HABP4: variants seen among roughly 807,000 people sequenced by gnomAD.
HABP4 encodes the protein hyaluronan binding protein 4.
A neutral mutation model predicts 44.1 loss-of-function variants in HABP4; 32 were observed. The ratio of observed to expected loss-of-function variants is 0.73; its 90% CI spans 0.55 to 0.97. The LOEUF is 0.97. HABP4 is among the 50% of genes least tolerant of loss of function. HABP4 has a pLI of 0.00. For missense variants in HABP4, 503 were observed against 561.9 expected (o/e 0.90, Z 1.06); for synonymous variants, 216 against 218.0 (o/e 0.99, Z 0.08).
At chr9:96,461,092 G>C (rs1370134635) in intron 2 of HABP4, among the ~76,000 whole-genome samples, 1 of 152,170 alleles carries the variant, frequency 6.6e-6, no homozygotes, top group Non-Finnish European at 1.5e-5. Context: ...TGGGAAGCCT[G>C]AAGCCCATGA....
In HABP4 at chr9:96,488,430, C is replaced by T. The variant is rs1833014770; in HGVS notation, c.1185+156C>T. Among the ~76,000 whole-genome samples the T allele has an allele frequency of 1.3e-5, 2 of 152,176 alleles. No individual in the cohort carries two copies. On this transcript the variant is annotated intron_variant, in intron 7 of 7. Coordinates refer to ENST00000375249, the MANE Select transcript of HABP4 (RefSeq NM_014282.4). This position sits in a 1 kb window ranked among gnomAD's most constrained non-coding sequence, Gnocchi z 4.6. ...TTGGGGCATTTGGACGGTGTTGTAGCATCATGGACATCTTGCCTAGAGACC... is the reference window on the plus strand; with the variant it reads ...TTGGGGCATTTGGACGGTGTTGTAGTATCATGGACATCTTGCCTAGAGACC...
intron 5 of HABP4, among the ~76,000 whole-genome samples, chr9:96,475,392 A>AC (rs1320887525): frequency 0.014 from 1,925 of 138,014 alleles, 48 homozygotes; most frequent in African/African-American, 0.052. Context: ...AACAACAACA[A>AC]AAAAAAAAAA....
intron 5 of HABP4, among the ~76,000 whole-genome samples, chr9:96,474,846 T>A (rs1269734830): frequency 6.6e-6 from 1 of 152,188 alleles, no homozygotes; most frequent in Non-Finnish European, 1.5e-5. Flanking sequence ...TACCTCTCAG[T>A]TCTAGAATGT....
At position 96,490,164 on chromosome 9, in the gene HABP4, T is replaced by C. The variant is rs1172829155; in HGVS notation, c.*126T>C. On this transcript the variant is annotated 3_prime_UTR_variant, in exon 8 of 8. Transcript: ENST00000375249. ...GCTTTTCCCGTGTCATGTAAATTTG[T>C]TGCACTTTTTTGGGCTGAGCTGTTA... is the stretch of plus-strand genomic sequence containing the variant. 1 of 692,894 alleles carries C rather than the reference T, an allele frequency of 1.4e-6. No homozygotes were observed. Among genetic ancestry groups the C allele is most frequent in the Non-Finnish European group, 2.6e-6 (1 of 382,192 alleles). The allele number at this position is 692,894 out of a possible 1,614,324, so 42.9% of individuals were successfully genotyped here.
chr9:96,459,043 T>C (rs986575736), intron 2 of HABP4, among the ~76,000 whole-genome samples: 18 of 152,206 alleles, frequency 1.2e-4, no homozygotes, highest in African/African-American at 4.3e-4. Context: ...TTTTTCCTCA[T>C]AGATGCCTTT....
At chr9:96,476,263 C>A (rs1479383833) in intron 5 of HABP4, among the ~76,000 whole-genome samples, 1 of 152,132 alleles carries the variant, frequency 6.6e-6, no homozygotes, top group Non-Finnish European at 1.5e-5. Context: ...TTAATTATAT[C>A]TAACTATTGA....
chr9:96,473,262 C>T (rs1387740722), intron 5 of HABP4, among the ~76,000 whole-genome samples: 4 of 152,156 alleles, frequency 2.6e-5, no homozygotes, highest in African/African-American at 7.2e-5. Flanking sequence ...CCAGCCTGAC[C>T]GAGACTGAGC....
chr9:96,489,921 C>G, intron 7 of HABP4, 61 bp from the exon 8 acceptor site: 1 of 1,026,514 alleles, frequency 9.7e-7, no homozygotes, highest in Non-Finnish European at 1.6e-6. Context: ...TGTTATCCCA[C>G]TGGGATATCG....
At chr9:96,461,884 A>C (rs1488246616) in intron 2 of HABP4, among the ~76,000 whole-genome samples, 1 of 152,180 alleles carries the variant, frequency 6.6e-6, no homozygotes, top group Non-Finnish European at 1.5e-5. Flanking sequence ...TTGGCGGCAC[A>C]GTGGCTCATG....
intron 5 of HABP4, among the ~76,000 whole-genome samples, chr9:96,475,413 AAAAG>A (rs887719406): frequency 2.6e-5 from 4 of 151,944 alleles, no homozygotes; most frequent in Non-Finnish European, 5.9e-5. Context: ...AAAAAGAAGA[AAAAG>A]AATAACATTT....
At chr9:96,485,473 G>A (rs955250528) in intron 6 of HABP4, among the ~76,000 whole-genome samples, 10 of 152,162 alleles carry the variant, frequency 6.6e-5, no homozygotes, top group Admixed American at 3.3e-4. Context: ...ATGAGTCCCC[G>A]AACGCTTGGC....
At chr9:96,460,678 G>A (rs1401600254) in intron 2 of HABP4, among the ~76,000 whole-genome samples, 1 of 152,214 alleles carries the variant, frequency 6.6e-6, no homozygotes, top group African/African-American at 2.4e-5. Context: ...TTGACATGTT[G>A]TAGAGTATGA....
intron 4 of HABP4, among the ~76,000 whole-genome samples, chr9:96,467,123 A>G (rs1169083474): frequency 6.6e-6 from 1 of 152,082 alleles, no homozygotes; most frequent in African/African-American, 2.4e-5. Context: ...GGGTTTCACC[A>G]CATTGGTCAG....
At chr9:96,479,998 C>T (rs943869809) in intron 5 of HABP4, among the ~76,000 whole-genome samples, 3 of 151,860 alleles carry the variant, frequency 2.0e-5, no homozygotes, top group Admixed American at 2.0e-4. Context: ...GACCCTCCCC[C>T]ACCCAGTCTC....
rs953650743 is a variant in HABP4 at position 96,450,218 on chromosome 9, C to T, written c.-62C>T. 187 of 1,282,168 alleles carry T rather than the reference C, an allele frequency of 1.5e-4. No individual in the cohort carries two copies. The highest frequency in any genetic ancestry group is 1.8e-4 in the Non-Finnish European group (186 of 1,008,626). The allele number at this position is 1,282,168 out of a possible 1,614,324, so 79.4% of individuals were successfully genotyped here. ...GAGCGGGCGGCATGGGTCCTGGCCG[C>T]CGGCTTCGCTGAGACGCGCTCGCGT... On this transcript the variant is annotated 5_prime_UTR_variant, in exon 1 of 8. Coordinates refer to ENST00000375249, the MANE Select transcript of HABP4 (RefSeq NM_014282.4). This position sits in a 1 kb window ranked among gnomAD's most constrained non-coding sequence, Gnocchi z 4.8.
At chr9:96,459,953 C>T (rs972352386) in intron 2 of HABP4, among the ~76,000 whole-genome samples, 1 of 152,134 alleles carries the variant, frequency 6.6e-6, no homozygotes, top group African/African-American at 2.4e-5. Flanking sequence ...GTGTAGTAAG[C>T]ACAGTCTCCT....
intron 1 of HABP4, among the ~76,000 whole-genome samples, chr9:96,455,978 C>T (rs1832368767): frequency 6.6e-6 from 1 of 152,036 alleles, no homozygotes; most frequent in Non-Finnish European, 1.5e-5. Flanking sequence ...ATGCTTTAAC[C>T]TGGGAGGCGG....
chr9:96,451,506 A>G, intron 1 of HABP4: 2 of 981,178 alleles, frequency 2.0e-6, no homozygotes, highest in African/African-American at 3.5e-5. Context: ...TGTTAGGATT[A>G]AGATGTGTAG....
In HABP4 at chr9:96,450,715, CG is replaced by C; in HGVS notation, c.349+90del. 1 of 1,104,684 alleles carries C rather than the reference CG, an allele frequency of 9.1e-7. No individual in the cohort carries two copies. Among genetic ancestry groups the C allele is most frequent in the Non-Finnish European group, 1.1e-6 (1 of 879,412 alleles). 68.4% of individuals were successfully genotyped at this position (1,104,684 alleles called of 1,614,324 possible). A position where few individuals can be genotyped will look rare whatever the true frequency, so the allele number is the denominator to read the frequency against. On this transcript the variant is annotated intron_variant, in intron 1 of 7. Coordinates refer to ENST00000375249, the MANE Select transcript of HABP4 (RefSeq NM_014282.4). The surrounding 1 kb of genome is among the most constrained non-coding windows in gnomAD (Gnocchi z 4.8). ...GGGGCCGGTTTCAGGAGGAGGGGCCCGGGAACAGTAGGGAGAGTTGAGGGTC... is the reference window on the plus strand; with the variant it reads ...GGGGCCGGTTTCAGGAGGAGGGGCCCGGAACAGTAGGGAGAGTTGAGGGTC...
Sources: gnomAD v4.1 joint callset for allele counts (sites outside exome capture counted in the v4.1 genomes callset) on GRCh38, gnomAD v4.1.1 for gene constraint, Gnocchi (gnomAD v3.1) non-coding constraint, MANE v1.5 for transcripts, NCBI Gene and HGNC (gene_info 2026-07-23, HGNC 2026-07-21) for gene names.